Variants in FNTB observed in about 807,000 individuals in gnomAD.
FNTB encodes the protein protein farnesyltransferase subunit beta.
A neutral mutation model predicts 59.4 loss-of-function variants in FNTB; 27 were observed. That is an observed-to-expected ratio of 0.45 (90% CI 0.34 to 0.63). The LOEUF (loss-of-function observed/expected upper bound fraction) is 0.63, where lower values mean the gene tolerates loss of function less well. Ranked by LOEUF, FNTB falls within the 20% of genes least tolerant of loss-of-function variation. The probability of loss-of-function intolerance (pLI) is 0.02; values close to 1 mark genes in which losing one functional copy is unlikely to be tolerated. For synonymous variants in FNTB, 230 were observed against 220.7 expected (o/e 1.04, Z -0.37); for missense variants, 449 against 559.6 (o/e 0.80, Z 1.99).
At position 65,027,725 on chromosome 14, in the gene FNTB, C is replaced by G. The variant is rs566305169; in HGVS notation, c.549C>G (p.Ser183=). Residue 183 remains serine, a synonymous_variant, in exon 6 of 12, where the codon TCC becomes TCG. Transcript: ENST00000246166. This position sits in a 1 kb window ranked among gnomAD's most constrained non-coding sequence, Gnocchi z 5.7. ...AGAAGCTTCTTCAGTATTTGTACTC[C>G]CTGAAGCAACCTGACGGCTCCTTTC... is the stretch of plus-strand genomic sequence containing the variant. ...NREKLLQYLY[S]LKQPDGSFLM... 1 of 1,614,152 alleles carries G rather than the reference C, an allele frequency of 6.2e-7. No homozygotes were observed. Among genetic ancestry groups the G allele is most frequent in the African/African-American group, 1.3e-5 (1 of 75,018 alleles).
intron 7 of FNTB, among the ~76,000 whole-genome samples, chr14:65,039,791 T>A (rs140605522): frequency 0.029 from 4,344 of 152,324 alleles, 88 homozygotes; most frequent in Non-Finnish European, 0.042. Context: ...TTATAATTTT[T>A]AAAAATAACG....
Position 65,027,877 on chromosome 14 carries a change from C to G in FNTB, c.605+96C>G. The G allele has an allele frequency of 6.6e-7, 1 of 1,508,330 alleles. No individual in the cohort carries two copies. Among genetic ancestry groups the G allele is most frequent in the South Asian group, 1.2e-5 (1 of 84,800 alleles). The allele number at this position is 1,508,330 out of a possible 1,614,324, so 93.4% of individuals were successfully genotyped here. A position where few individuals can be genotyped will look rare whatever the true frequency, so the allele number is the denominator to read the frequency against. On this transcript the variant is annotated intron_variant, in intron 6 of 11. Coordinates refer to ENST00000246166, the MANE Select transcript of FNTB (RefSeq NM_002028.4). This position sits in a 1 kb window ranked among gnomAD's most constrained non-coding sequence, Gnocchi z 5.7. Reference sequence around the variant, plus strand: ...CCTAAGGAACATCATGGGGAAGCTGCTGCTTTGTCCCAGAATGACACATGG... The same window carrying G: ...CCTAAGGAACATCATGGGGAAGCTGGTGCTTTGTCCCAGAATGACACATGG...
chr14:64,993,894 C>T (rs1186362633), intron 1 of FNTB, among the ~76,000 whole-genome samples: 5 of 149,606 alleles, frequency 3.3e-5, no homozygotes, highest in East Asian at 3.9e-4. Context: ...TCGCTCTTGT[C>T]GCCCAGGCTG....
At chr14:65,056,569 A>G (rs2062741814) in intron 11 of FNTB, among the ~76,000 whole-genome samples, 1 of 152,058 alleles carries the variant, frequency 6.6e-6, no homozygotes, top group Admixed American at 6.5e-5. Context: ...TGTTTTCCTG[A>G]TTACTGGTGA....
In FNTB at chr14:65,038,326, C is replaced by T. The variant is rs1396061047; in HGVS notation, c.693-2464C>T. ...TCGGGAGGCTGAGGCAGGAGAATTG[C>T]TTGAACCCAGGAGGCAGAGGTTGCA... On this transcript the variant is annotated intron_variant, in intron 7 of 11. Transcript: ENST00000246166. Among the ~76,000 whole-genome samples, 3 of 152,040 alleles carry T rather than the reference C, an allele frequency of 2.0e-5. No homozygotes were observed. In the East Asian group the frequency reaches 5.8e-4, roughly 30 times the overall value.
rs977608948 is a variant in FNTB, at chr14:65,023,589, C to T, written c.375-3864C>T. Among the ~76,000 whole-genome samples, 5 of 152,182 alleles carry T rather than the reference C, an allele frequency of 3.3e-5. No homozygotes were observed. The highest frequency in any genetic ancestry group is 5.9e-5 in the Non-Finnish European group (4 of 68,036). On this transcript the variant is annotated intron_variant, in intron 4 of 11. Transcript: ENST00000246166. The surrounding 1 kb of genome is among the most constrained non-coding windows in gnomAD (Gnocchi z 4.1). ...CTATAGGTGTCTATAAACATCTATA[C>T]GTGTTCTATATTGGCCACTAGCCAC...
At chr14:65,002,289 T>C (rs1335489547) in intron 1 of FNTB, among the ~76,000 whole-genome samples, 1 of 152,228 alleles carries the variant, frequency 6.6e-6, no homozygotes, top group African/African-American at 2.4e-5. Context: ...CCACAACCAT[T>C]GCCTGATGCA....
In FNTB at chr14:65,054,469, G is replaced by T. The variant is rs944172230; in HGVS notation, c.1068-106G>T. The T allele has an allele frequency of 5.1e-6, 5 of 982,310 alleles. No individual in the cohort carries two copies. The highest frequency in any genetic ancestry group is 1.7e-5 in the South Asian group (1 of 59,926). The allele number at this position is 982,310 out of a possible 1,614,324, so 60.8% of individuals were successfully genotyped here. ...TGCCTCCTCTAGCCACATGGAGGAT[G>T]GGGGGGGACGTGTGATTGCACCAGT... On this transcript the variant is annotated intron_variant, in intron 10 of 11. Transcript: ENST00000246166. This position sits in a 1 kb window ranked among gnomAD's most constrained non-coding sequence, Gnocchi z 4.4.
rs2061923281 is a variant in FNTB at position 65,023,434 on chromosome 14, C to T, written c.375-4019C>T. On this transcript the variant is annotated intron_variant, in intron 4 of 11. Transcript: ENST00000246166. The surrounding 1 kb of genome is among the most constrained non-coding windows in gnomAD (Gnocchi z 4.1). ...ACTCCTTATAAGGCTGAGAGGCAAT[C>T]GCTGATATCCCTGCTTTGAACTTGA... Among the ~76,000 whole-genome samples the T allele has an allele frequency of 6.6e-6, 1 of 152,174 alleles. No individual in the cohort carries two copies. The highest frequency in any genetic ancestry group is 1.5e-5 in the Non-Finnish European group (1 of 68,032).
chr14:65,022,010 G>A (rs757357804), intron 4 of FNTB: 1 of 456,056 alleles, frequency 2.2e-6, no homozygotes, highest in African/African-American at 2.0e-5. Context: ...ACTTGCCGGT[G>A]CTTGATGAAG....
chr14:65,012,313 C>T lies in FNTB; in HGVS notation c.210-4C>T. The T allele has an allele frequency of 1.2e-6, 2 of 1,613,996 alleles. No individual in the cohort carries two copies. Among genetic ancestry groups the T allele is most frequent in the South Asian group, 1.1e-5 (1 of 91,080 alleles). Reference sequence around the variant, plus strand: ...ATGGGCTTATAAACTGTTTGTCTTTCCAGGCTTGTTTTGCAGAGGGAGAAG... The same window carrying T: ...ATGGGCTTATAAACTGTTTGTCTTTTCAGGCTTGTTTTGCAGAGGGAGAAG... On this transcript the variant is annotated splice_polypyrimidine_tract_variant and splice_region_variant and intron_variant, in intron 2 of 11. Coordinates refer to ENST00000246166, the MANE Select transcript of FNTB (RefSeq NM_002028.4). This position sits in a 1 kb window ranked among gnomAD's most constrained non-coding sequence, Gnocchi z 5.0.
At chr14:65,021,482 CCA>C (rs1336865686) in intron 4 of FNTB, among the ~76,000 whole-genome samples, 2 of 152,132 alleles carry the variant, frequency 1.3e-5, no homozygotes, top group Non-Finnish European at 2.9e-5. Context: ...AGTGAGGACA[CCA>C]TATCTAGGCC....
intron 9 of FNTB, among the ~76,000 whole-genome samples, chr14:65,051,986 A>G (rs140257687): frequency 0.018 from 2,696 of 152,056 alleles, 44 homozygotes; most frequent in African/African-American, 0.04. Context: ...TAGTAGAGAC[A>G]GGGTTTCACC....
rs373129600 is a variant in FNTB at position 65,032,573 on chromosome 14, G to A, written c.606-37G>A. ...TTCACTGAGCCTCATTAGCTCTTCC[G>A]TAGAGCTTAATGTGTTTCCCGTTTC... On this transcript the variant is annotated intron_variant, in intron 6 of 11. Coordinates refer to ENST00000246166, the MANE Select transcript of FNTB (RefSeq NM_002028.4). The surrounding 1 kb of genome is among the most constrained non-coding windows in gnomAD (Gnocchi z 5.0). The A allele has an allele frequency of 3.9e-4, 620 of 1,608,350 alleles. 12 individuals are homozygous for A. In the South Asian group the frequency reaches 6.2e-3, roughly 16 times the overall value.
In FNTB at chr14:65,030,110, C is replaced by G. The variant is rs2062051569; in HGVS notation, c.605+2329C>G. 6.6e-6 allele frequency among the ~76,000 whole-genome samples: 1 copy of G among 152,200 alleles called. No homozygotes were observed. Among genetic ancestry groups the G allele is most frequent in the South Asian group, 2.1e-4 (1 of 4,834 alleles). On this transcript the variant is annotated intron_variant, in intron 6 of 11. Coordinates refer to ENST00000246166, the MANE Select transcript of FNTB (RefSeq NM_002028.4). This position sits in a 1 kb window ranked among gnomAD's most constrained non-coding sequence, Gnocchi z 4.5. Reference sequence around the variant, plus strand: ...TGTCTTCTGTCATCACTTCTTAGTCCTCACACTTGTGAGAGGCAAACTGTA... The same window carrying G: ...TGTCTTCTGTCATCACTTCTTAGTCGTCACACTTGTGAGAGGCAAACTGTA...
intron 4 of FNTB, 130 bp downstream of exon 4, chr14:65,015,846 C>A: frequency 9.7e-7 from 1 of 1,035,214 alleles, no homozygotes; most frequent in Non-Finnish European, 1.4e-6. Context: ...TTGCTCTTCT[C>A]ATGACCTCCG....
chr14:65,011,512 G>C lies in FNTB; in HGVS notation c.210-805G>C, dbSNP rs1301029864. Among the ~76,000 whole-genome samples the C allele has an allele frequency of 6.6e-6, 1 of 151,968 alleles. No individual in the cohort carries two copies. The highest frequency in any genetic ancestry group is 1.5e-5 in the Non-Finnish European group (1 of 68,022). ...AGTGGGAATTTGATAAACAATTGTG[G>C]AATTGACTACCTAGCAAAGGGAATG... On this transcript the variant is annotated intron_variant, in intron 2 of 11. Transcript: ENST00000246166. This position sits in a 1 kb window ranked among gnomAD's most constrained non-coding sequence, Gnocchi z 4.0.
rs1239635538 is a variant in FNTB, at chr14:64,986,920, A to G, written c.-34A>G. ...AATGCGCGTTGTTGCTTAACGAAGC[A>G]GAGTCCTACACACTGTCTGCTGCTC... On this transcript the variant is annotated 5_prime_UTR_variant, in exon 1 of 12. Coordinates refer to ENST00000246166, the MANE Select transcript of FNTB (RefSeq NM_002028.4). The G allele has an allele frequency of 6.2e-6, 10 of 1,613,108 alleles. No individual in the cohort carries two copies. In the East Asian group the frequency reaches 1.3e-4, roughly 22 times the overall value.
rs1566870907 is a variant in FNTB, at chr14:65,015,612, G to A, written c.283-13G>A. ...GTGAATAAGGGATGTTTTCTCTCCT[G>A]TCTCTCTCCCAGTGTCTGGATGCCA... On this transcript the variant is annotated splice_polypyrimidine_tract_variant and intron_variant, in intron 3 of 11. Coordinates refer to ENST00000246166, the MANE Select transcript of FNTB (RefSeq NM_002028.4). The A allele has an allele frequency of 3.7e-6, 6 of 1,613,752 alleles. No homozygotes were observed. The highest frequency in any genetic ancestry group is 5.1e-6 in the Non-Finnish European group (6 of 1,179,864).
Sources: gnomAD v4.1 joint callset for allele counts (sites outside exome capture counted in the v4.1 genomes callset) on GRCh38, gnomAD v4.1.1 for gene constraint, Gnocchi (gnomAD v3.1) non-coding constraint, MANE v1.5 for transcripts, NCBI Gene and HGNC (gene_info 2026-07-23, HGNC 2026-07-21) for gene names.